Variants in MAPKBP1 observed in about 807,000 individuals in gnomAD.
MAPKBP1 encodes mitogen-activated protein kinase binding protein 1.
In MAPKBP1, 71 loss-of-function variants were observed where a neutral mutation model predicts 170.5. The ratio of observed to expected loss-of-function variants is 0.42; its 90% CI spans 0.34 to 0.51. The LOEUF is 0.51. Among genes scored for constraint, MAPKBP1 ranks in the 20% least tolerant of loss-of-function variants. MAPKBP1 has a pLI of 0.06. For synonymous variants in MAPKBP1, 719 were observed against 757.9 expected, an observed-to-expected ratio of 0.95 and a Z score of 0.84; for missense variants, 1,598 against 1,933.0, an observed-to-expected ratio of 0.83 and a Z score of 3.25.
At chr15:41,821,411 C>T in intron 23 of MAPKBP1, 173 bp from the exon 24 acceptor site, 4 of 648,652 alleles carry the variant, frequency 6.2e-6, no homozygotes, top group African/African-American at 1.8e-5. Context: ...AGCCTGGCTT[C>T]TCGATGTCTG....
At chr15:41,810,972 C>A (rs200855888) in intron 4 of MAPKBP1, 27 bp downstream of exon 4, 4 of 1,613,304 alleles carry the variant, frequency 2.5e-6, no homozygotes, top group Non-Finnish European at 3.4e-6. Context: ...CCTCAGGATA[C>A]CTCTTCCTTC....
At chr15:41,813,248 C>T in intron 8 of MAPKBP1, 147 bp downstream of exon 8, 4 of 1,500,762 alleles carry the variant, frequency 2.7e-6, no homozygotes, top group Non-Finnish European at 3.7e-6. Context: ...GAGCTTGGCC[C>T]ATTTCCAGCC....
chr15:41,790,115 T>C (rs1437685705), intron 2 of MAPKBP1, among the ~76,000 whole-genome samples: 4 of 152,244 alleles, frequency 2.6e-5, no homozygotes, highest in African/African-American at 9.6e-5. Flanking sequence ...AGAACAGTTA[T>C]TGCTACAAAG....
chr15:41,809,445 C>G (rs888745378), intron 3 of MAPKBP1, among the ~76,000 whole-genome samples: 2 of 152,200 alleles, frequency 1.3e-5, no homozygotes, highest in Non-Finnish European at 2.9e-5. Context: ...ATGCTTAGCC[C>G]TCACTAGCAA....
chr15:41,818,405 C>G lies in MAPKBP1; in HGVS notation c.2092+100C>G, dbSNP rs905801861. ...ACTCTTCTATTAGTTTCTTGGGACC[C>G]GCAGAGCTACCTATCCCTACCCTGC... On this transcript the variant is annotated intron_variant, in intron 18 of 30. Transcript: ENST00000457542. This position sits in a 1 kb window ranked among gnomAD's most constrained non-coding sequence, Gnocchi z 5.2. 21 of 1,391,900 alleles carry G rather than the reference C, an allele frequency of 1.5e-5. No homozygotes were observed. The highest frequency in any genetic ancestry group is 2.0e-5 in the Non-Finnish European group (20 of 988,260). The allele number at this position is 1,391,900 out of a possible 1,614,324, so 86.2% of individuals were successfully genotyped here.
In MAPKBP1 at chr15:41,810,959, G is replaced by A. The variant is rs757137844; in HGVS notation, c.269+14G>A. ...CAACAGTTCCAGGTAAATGGGCTGG[G>A]GTCCTCAGGATACCTCTTCCTTCTG... On this transcript the variant is annotated intron_variant, in intron 4 of 30. Transcript: ENST00000457542. 5 of 1,614,128 alleles carry A rather than the reference G, an allele frequency of 3.1e-6. No individual in the cohort carries two copies. Among genetic ancestry groups the A allele is most frequent in the East Asian group, 2.2e-5 (1 of 44,878 alleles).
chr15:41,824,322 G>A (rs1472777641), intron 29 of MAPKBP1, among the ~76,000 whole-genome samples, 162 bp from the exon 30 acceptor site: 1 of 152,354 alleles, frequency 6.6e-6, no homozygotes, highest in African/African-American at 2.4e-5. Flanking sequence ...TGTTTGTGTG[G>A]TGTTGGGGAG....
intron 23 of MAPKBP1, 79 bp downstream of exon 23, chr15:41,821,147 A>T: frequency 7.6e-7 from 1 of 1,320,434 alleles, no homozygotes; most frequent in Non-Finnish European, 1.1e-6. Flanking sequence ...GGACCTGAGC[A>T]CTGGTCCAGC....
chr15:41,775,006 C>G lies in MAPKBP1; in HGVS notation c.-109-161C>G, dbSNP rs2064073578. 5 of 463,600 alleles carry G rather than the reference C, an allele frequency of 1.1e-5. No individual in the cohort carries two copies. In the South Asian group the frequency reaches 2.4e-4, roughly 22 times the overall value. The allele number at this position is 463,600 out of a possible 1,614,324, so 28.7% of individuals were successfully genotyped here. On this transcript the variant is annotated intron_variant, in intron 1 of 30. Transcript: ENST00000457542. ...CTTCGTGGCTTAGGATTTTCCCCCC[C>G]TTTTTCGTGAGCCTTTCCTTCCGAC...
In MAPKBP1 at chr15:41,815,653, G is replaced by T; in HGVS notation, c.1347G>T (p.Gly449=). The part of the protein sequence containing the change: ...SDLIKIIYVD[G]NTQALLDTEL... ...TCATTAAAATCATCTATGTGGATGGGAACACCCAGGCCCTGCTGGACACAG... is the reference window on the plus strand; with the variant it reads ...TCATTAAAATCATCTATGTGGATGGTAACACCCAGGCCCTGCTGGACACAG... Residue 449 remains glycine (G), a synonymous_variant, in exon 12 of 31, where the codon GGG becomes GGT. Coordinates refer to ENST00000457542, the MANE Select transcript of MAPKBP1 (RefSeq NM_014994.3). 6 of 1,613,982 alleles carry T rather than the reference G, an allele frequency of 3.7e-6. No homozygotes were observed. Among genetic ancestry groups the T allele is most frequent in the Non-Finnish European group, 5.1e-6 (6 of 1,179,902 alleles).
Position 41,818,404 on chromosome 15 carries a change from C to A in MAPKBP1, c.2092+99C>A. 1 of 1,393,962 alleles carries A rather than the reference C, an allele frequency of 7.2e-7. No homozygotes were observed. The highest frequency in any genetic ancestry group is 1.0e-6 in the Non-Finnish European group (1 of 989,550). The allele number at this position is 1,393,962 out of a possible 1,614,324, so 86.3% of individuals were successfully genotyped here. A position where few individuals can be genotyped will look rare whatever the true frequency, so the allele number is the denominator to read the frequency against. ...CACTCTTCTATTAGTTTCTTGGGAC[C>A]CGCAGAGCTACCTATCCCTACCCTG... On this transcript the variant is annotated intron_variant, in intron 18 of 30. Coordinates refer to ENST00000457542, the MANE Select transcript of MAPKBP1 (RefSeq NM_014994.3). The surrounding 1 kb of genome is among the most constrained non-coding windows in gnomAD (Gnocchi z 5.2).
rs1166671811 is a variant in MAPKBP1, at chr15:41,803,413, C to CAAAAAAAA, written c.206+3514_206+3521dup. On this transcript the variant is annotated intron_variant, in intron 3 of 30. Transcript: ENST00000457542. Reference sequence around the variant, plus strand: ...TGAGCGGCTGAGCAAGACTCCATCTCAAAAAAAAAAAAAAAAAAAAAAGGT... The same window carrying CAAAAAAAA: ...TGAGCGGCTGAGCAAGACTCCATCTCAAAAAAAAAAAAAAAAAAAAAAAAAAAAAAGGT... 1.4e-3 allele frequency among the ~76,000 whole-genome samples: 16 copies of CAAAAAAAA among 11,246 alleles called. 2 individuals carry two copies. The highest frequency in any genetic ancestry group is 2.4e-3 in the Non-Finnish European group (13 of 5,380). 7.4% of individuals were successfully genotyped at this position (11,246 alleles called of 152,430 possible). A position where few individuals can be genotyped will look rare whatever the true frequency, so the allele number is the denominator to read the frequency against.
intron 24 of MAPKBP1, 24 bp downstream of exon 24, chr15:41,821,774 C>T (rs1289892785): frequency 6.2e-7 from 1 of 1,610,924 alleles, no homozygotes; most frequent in Non-Finnish European, 8.5e-7. Context: ...CCTAGCCAGA[C>T]CCCGTGCCCC....
intron 2 of MAPKBP1, among the ~76,000 whole-genome samples, chr15:41,776,144 C>T (rs913516307): frequency 1.3e-5 from 2 of 152,208 alleles, no homozygotes; most frequent in Admixed American, 1.3e-4. Flanking sequence ...CAGAAGTAGT[C>T]GACATTTATT....
rs1308364559 is a variant in MAPKBP1, at chr15:41,819,077, T to C, written c.2291+120T>C. 1.0e-5 allele frequency: 15 copies of C among 1,497,414 alleles called. No individual in the cohort carries two copies. The Admixed American group carries it at 2.8e-4, about 28-fold the overall frequency. 92.8% of individuals were successfully genotyped at this position (1,497,414 alleles called of 1,614,324 possible). On this transcript the variant is annotated intron_variant, in intron 20 of 30. Coordinates refer to ENST00000457542, the MANE Select transcript of MAPKBP1 (RefSeq NM_014994.3). ...CAACTCTGTCTCCCAAGACCTTACC[T>C]CTCACACAAGGATCCATGATGTCAG...
At chr15:41,814,826 A>G in intron 10 of MAPKBP1, 87 bp downstream of exon 10, 1 of 1,476,132 alleles carries the variant, frequency 6.8e-7, no homozygotes, top group Non-Finnish European at 9.3e-7. Context: ...CCCAAGTATA[A>G]TCTTAGATTC....
intron 2 of MAPKBP1, among the ~76,000 whole-genome samples, chr15:41,792,107 T>G (rs1288397277): frequency 6.7e-6 from 1 of 149,370 alleles, no homozygotes; most frequent in East Asian, 1.9e-4. Flanking sequence ...TTCTATCTAG[T>G]ATGAATGAGC....
chr15:41,816,082 T>C lies in MAPKBP1; in HGVS notation c.1493+283T>C, dbSNP rs79679184. Among the ~76,000 whole-genome samples, 120 of 152,344 alleles carry C rather than the reference T, an allele frequency of 7.9e-4. 2 individuals carry two copies. In the East Asian group the frequency reaches 0.021, roughly 26 times the overall value. ...TTACCAAAAATGCATAAACTCAATA[T>C]AGGCGTGAGAAAACATCCGACAAAC... On this transcript the variant is annotated intron_variant, in intron 12 of 30. Transcript: ENST00000457542.
chr15:41,798,104 G>A (rs1244086528), intron 2 of MAPKBP1, among the ~76,000 whole-genome samples: 1 of 151,392 alleles, frequency 6.6e-6, no homozygotes, highest in Non-Finnish European at 1.5e-5. Flanking sequence ...CAAAAAACTA[G>A]CAGGGTGTGG....
Sources: gnomAD v4.1 joint callset for allele counts (sites outside exome capture counted in the v4.1 genomes callset) on GRCh38, gnomAD v4.1.1 for gene constraint, Gnocchi (gnomAD v3.1) non-coding constraint, MANE v1.5 for transcripts, NCBI Gene and HGNC (gene_info 2026-07-23, HGNC 2026-07-21) for gene names.